HNF4A: variants seen among roughly 807,000 people sequenced by gnomAD.
HNF4A encodes hepatocyte nuclear factor 4-alpha.
A neutral mutation model predicts 52.4 loss-of-function variants in HNF4A; 15 were observed. The observed-to-expected ratio is 0.29, with a 90% CI of 0.19 to 0.44. The LOEUF is 0.44. Among genes scored for constraint, HNF4A ranks in the 20% least tolerant of loss-of-function variants. HNF4A has a pLI of 1.00. For synonymous variants in HNF4A, 280 were observed against 264.4 expected, an observed-to-expected ratio of 1.06 and a Z score of -0.57; for missense variants, 479 against 647.2, an observed-to-expected ratio of 0.74 and a Z score of 2.82.
intron 1 of HNF4A, among the ~76,000 whole-genome samples, chr20:44,405,114 TGC>T (rs2063482368): frequency 1.3e-5 from 1 of 77,094 alleles, no homozygotes; most frequent in Non-Finnish European, 2.8e-5. Context: ...GTAGCGTGTG[TGC>T]GTGTGTGTGG....
At chr20:44,387,679 G>C (rs2063246408) in intron 1 of HNF4A, among the ~76,000 whole-genome samples, 1 of 83,352 alleles carries the variant, frequency 1.2e-5, no homozygotes, top group East Asian at 3.6e-4. Context: ...GGCGGGGGGG[G>C]CGGTGGAGCG....
chr20:44,382,933 T>G (rs895139048), intron 1 of HNF4A, among the ~76,000 whole-genome samples: 2 of 152,136 alleles, frequency 1.3e-5, no homozygotes, highest in Non-Finnish European at 2.9e-5. Context: ...CTTTGAAGAC[T>G]AAGAAGGGGC....
At chr20:44,356,351 T>C (rs2062858239) in intron 1 of HNF4A, among the ~76,000 whole-genome samples, 1 of 151,966 alleles carries the variant, frequency 6.6e-6, no homozygotes, top group Non-Finnish European at 1.5e-5. Context: ...GGGTGGAGCG[T>C]TGGAAAATGA....
intron 5 of HNF4A, among the ~76,000 whole-genome samples, chr20:44,415,366 C>A (rs576505422): frequency 6.6e-6 from 1 of 152,162 alleles, no homozygotes; most frequent in South Asian, 2.1e-4. Context: ...AACAATTGAA[C>A]TGAGCATCAT....
At chr20:44,389,877 G>A (rs1435890254) in intron 1 of HNF4A, 1 of 152,434 alleles carries the variant, frequency 6.6e-6, no homozygotes, top group East Asian at 1.9e-4. Flanking sequence ...AGAAGGAAGT[G>A]CGACAGCTCT....
chr20:44,395,927 GC>G (rs1018973303), intron 1 of HNF4A, among the ~76,000 whole-genome samples: 4 of 152,188 alleles, frequency 2.6e-5, no homozygotes, highest in African/African-American at 9.7e-5. Context: ...ATGCCAAGCA[GC>G]CCTGGGGTGG....
chr20:44,429,615 C>A lies in HNF4A; in HGVS notation c.1375C>A (p.Pro459Thr), dbSNP rs2063853373. 6.2e-7 allele frequency: 1 copy of A among 1,614,096 alleles called. No individual in the cohort carries two copies. The highest frequency in any genetic ancestry group is 8.5e-7 in the Non-Finnish European group (1 of 1,180,028). Residue 459 changes from proline (P) to threonine (T), a missense_variant, in exon 10 of 10, where the codon CCC (proline) becomes ACC (threonine). Physicochemically the swap from Pro to Thr is conservative, Grantham distance 38. Coordinates refer to ENST00000316099, the MANE Select transcript of HNF4A (RefSeq NM_000457.6). ...GGGAGCCGTCGCCACAATCGTCAAG[C>A]CCCTCTCTGCCATCCCCCAGCCGAC... is the stretch of plus-strand genomic sequence containing the variant.
rs1436602997 is a variant in HNF4A, at chr20:44,431,870, G to A, written c.*2205G>A. The stretch of plus-strand genomic sequence containing the variant: ...GCGTGGAGAAGTATTGGGGCAATGT[G>A]TCAGGGAGGAATCACCACATCCCTA... On this transcript the variant is annotated 3_prime_UTR_variant, in exon 10 of 10. Coordinates refer to ENST00000316099, the MANE Select transcript of HNF4A (RefSeq NM_000457.6). 1 of 152,236 alleles carries A rather than the reference G, an allele frequency of 6.6e-6. No homozygotes were observed. Among genetic ancestry groups the A allele is most frequent in the Non-Finnish European group, 1.5e-5 (1 of 68,098 alleles). The allele number at this position is 152,236 out of a possible 1,614,324, so 9.4% of individuals were successfully genotyped here. A position where few individuals can be genotyped will look rare whatever the true frequency, so the allele number is the denominator to read the frequency against.
At chr20:44,364,940 A>C (rs1331020270) in intron 1 of HNF4A, among the ~76,000 whole-genome samples, 1 of 152,212 alleles carries the variant, frequency 6.6e-6, no homozygotes, top group East Asian at 1.9e-4. Context: ...TCCATTGGTG[A>C]GAACTAGTCA....
chr20:44,416,214 A>G (rs549726615), intron 5 of HNF4A, among the ~76,000 whole-genome samples: 2 of 152,162 alleles, frequency 1.3e-5, no homozygotes, highest in African/African-American at 4.8e-5. Flanking sequence ...CATTCCTGGT[A>G]TATGAGGAGC....
chr20:44,425,110 T>C (rs2146474136), intron 8 of HNF4A, among the ~76,000 whole-genome samples: 1 of 152,180 alleles, frequency 6.6e-6, no homozygotes, highest in East Asian at 1.9e-4. Flanking sequence ...GCCTCCTGAG[T>C]AGTTGGGATT....
chr20:44,413,372 A>G (rs2063614071), intron 3 of HNF4A, among the ~76,000 whole-genome samples: 1 of 152,112 alleles, frequency 6.6e-6, no homozygotes, highest in Non-Finnish European at 1.5e-5. Flanking sequence ...CCAGAGCTTG[A>G]ACATCTTTAA....
chr20:44,369,524 A>T (rs1207561484), intron 1 of HNF4A, among the ~76,000 whole-genome samples: 1 of 152,140 alleles, frequency 6.6e-6, no homozygotes, highest in Non-Finnish European at 1.5e-5. Flanking sequence ...ATGTACCTGG[A>T]AACAGTTGGG....
At chr20:44,407,086 C>G (rs1043705780) in intron 2 of HNF4A, among the ~76,000 whole-genome samples, 1 of 152,202 alleles carries the variant, frequency 6.6e-6, no homozygotes, top group Non-Finnish European at 1.5e-5. Context: ...TAGCAGGGCT[C>G]TGGTACTCCA....
chr20:44,363,884 A>G (rs890310589), intron 1 of HNF4A, among the ~76,000 whole-genome samples: 6 of 151,808 alleles, frequency 4.0e-5, no homozygotes, highest in African/African-American at 1.5e-4. Context: ...CTTGGTAGAG[A>G]TGGGTTTCAC....
chr20:44,376,507 AC>A (rs2063087545), intron 1 of HNF4A, among the ~76,000 whole-genome samples: 1 of 151,984 alleles, frequency 6.6e-6, no homozygotes, highest in South Asian at 2.1e-4. Flanking sequence ...TTATGTATCC[AC>A]CTCTCAATTT....
chr20:44,406,960 A>G (rs181560299), intron 2 of HNF4A, among the ~76,000 whole-genome samples: 107 of 152,290 alleles, frequency 7.0e-4, no homozygotes, highest in African/African-American at 2.5e-3. Flanking sequence ...ACGGTGTGGC[A>G]CTGCCTCTAC....
intron 3 of HNF4A, among the ~76,000 whole-genome samples, chr20:44,410,696 G>A (rs1425685288): frequency 2.0e-5 from 3 of 152,258 alleles, no homozygotes; most frequent in African/African-American, 7.2e-5. Context: ...GAGTCTATAA[G>A]AGGTCATCAA....
intron 1 of HNF4A, among the ~76,000 whole-genome samples, chr20:44,395,178 G>A (rs991672591): frequency 3.9e-5 from 6 of 152,260 alleles, no homozygotes; most frequent in Non-Finnish European, 7.3e-5. Flanking sequence ...CCACCGCTGC[G>A]TGGACTTGAG....
Sources: allele counts gnomAD v4.1 joint callset (sites outside exome capture counted in the v4.1 genomes callset), GRCh38; gene constraint gnomAD v4.1.1; transcripts MANE v1.5; gene names NCBI Gene and HGNC (gene_info 2026-07-23, HGNC 2026-07-21).